The following EEF1AKMT1 variants were observed in gnomAD, a reference collection of about 807,000 sequenced individuals.
The protein encoded by EEF1AKMT1 is EEF1A lysine methyltransferase 1.
In EEF1AKMT1, 18 loss-of-function variants were observed where a neutral mutation model predicts 21.0. The observed-to-expected ratio is 0.86, with a 90% confidence interval of 0.59 to 1.27. The LOEUF (loss-of-function observed/expected upper bound fraction) is 1.27, where lower values mean the gene tolerates loss of function less well. EEF1AKMT1 is among the 50% of genes most tolerant of loss of function. EEF1AKMT1 has a pLI of 0.00. For missense variants in EEF1AKMT1, 246 were observed against 258.6 expected, an observed-to-expected ratio of 0.95 and a Z score of 0.33; for synonymous variants, 109 against 94.8, an observed-to-expected ratio of 1.15 and a Z score of -0.87.
intron 4 of EEF1AKMT1, among the ~76,000 whole-genome samples, chr13:20,729,435 T>G (rs1716538100): frequency 6.6e-6 from 1 of 152,072 alleles, no homozygotes; most frequent in African/African-American, 2.4e-5. Flanking sequence ...TTGAATGAAT[T>G]ATTTTCCTAC....
intron 1 of EEF1AKMT1, among the ~76,000 whole-genome samples, chr13:20,760,743 C>T (rs941946827): frequency 1.3e-5 from 2 of 151,594 alleles, no homozygotes; most frequent in Non-Finnish European, 2.9e-5. Flanking sequence ...AAAAAGAATA[C>T]ACAGATAAAA....
intron 1 of EEF1AKMT1, among the ~76,000 whole-genome samples, chr13:20,759,028 T>C (rs1358436432): frequency 6.6e-6 from 1 of 152,154 alleles, no homozygotes; most frequent in Non-Finnish European, 1.5e-5. Flanking sequence ...ACTCAAGATG[T>C]ATTAAAGACT....
At chr13:20,772,536 C>G (rs989030303) in intron 1 of EEF1AKMT1, among the ~76,000 whole-genome samples, 1 of 152,108 alleles carries the variant, frequency 6.6e-6, no homozygotes, top group African/African-American at 2.4e-5. Context: ...TTGAGAAATT[C>G]TAGGTTAGGC....
At chr13:20,748,726 G>GTTGTTGTTGTTTTTTTTTT (rs2058924339) in intron 2 of EEF1AKMT1, among the ~76,000 whole-genome samples, 2 of 72,614 alleles carry the variant, frequency 2.8e-5, no homozygotes, top group Non-Finnish European at 2.2e-5. Context: ...TTTTTTTTTG[G>GTTGTTGTTGTTTTTTTTTT]TTTTTTTTTT....
intron 2 of EEF1AKMT1, among the ~76,000 whole-genome samples, chr13:20,752,136 A>T (rs897629588): frequency 6.6e-6 from 1 of 151,792 alleles, no homozygotes; most frequent in South Asian, 2.1e-4. Context: ...GATGCTTTTT[A>T]TTTCTTTTTG....
intron 3 of EEF1AKMT1, among the ~76,000 whole-genome samples, chr13:20,735,372 A>T (rs1280361228): frequency 6.6e-6 from 1 of 152,058 alleles, no homozygotes. Context: ...TGTTGTCTGG[A>T]TGGGGGGGAT....
intron 1 of EEF1AKMT1, among the ~76,000 whole-genome samples, chr13:20,771,906 G>C (rs552566380): frequency 6.6e-6 from 1 of 152,114 alleles, no homozygotes; most frequent in Admixed American, 6.5e-5. Context: ...AGCTACTCAG[G>C]AGGCTGAGAC....
intron 1 of EEF1AKMT1, among the ~76,000 whole-genome samples, chr13:20,765,714 T>C (rs1308478545): frequency 6.6e-6 from 1 of 151,966 alleles, no homozygotes; most frequent in Admixed American, 6.6e-5. Context: ...TCTGGCCTCT[T>C]CTCTTGGTTT....
At chr13:20,759,309 G>C (rs59040838) in intron 1 of EEF1AKMT1, among the ~76,000 whole-genome samples, 9,091 of 152,282 alleles carry the variant, frequency 0.06, 794 homozygotes, top group African/African-American at 0.19. Context: ...GCCGGGCGCC[G>C]TGGCTCACGC....
chr13:20,755,401 G>C (rs995098862), intron 2 of EEF1AKMT1, among the ~76,000 whole-genome samples: 2 of 152,202 alleles, frequency 1.3e-5, no homozygotes, highest in South Asian at 2.1e-4. Flanking sequence ...TGGTCTCCAG[G>C]CAGTTCCCTA....
At chr13:20,767,005 A>C (rs995214537) in intron 1 of EEF1AKMT1, among the ~76,000 whole-genome samples, 1 of 152,094 alleles carries the variant, frequency 6.6e-6, no homozygotes, top group African/African-American at 2.4e-5. Context: ...ATTCTGTTGT[A>C]TAGATATTTC....
chr13:20,740,026 G>C (rs574122306), intron 2 of EEF1AKMT1, among the ~76,000 whole-genome samples: 1 of 152,252 alleles, frequency 6.6e-6, no homozygotes, highest in Non-Finnish European at 1.5e-5. Flanking sequence ...AGCCCATGGT[G>C]GGGGAGGAGG....
At chr13:20,731,365 C>G (rs896759783) in intron 4 of EEF1AKMT1, among the ~76,000 whole-genome samples, 1 of 152,140 alleles carries the variant, frequency 6.6e-6, no homozygotes, top group Non-Finnish European at 1.5e-5. Context: ...ACTTGGGAGG[C>G]TGAGGTGGGA....
At chr13:20,750,214 C>G (rs1254083561) in intron 2 of EEF1AKMT1, among the ~76,000 whole-genome samples, 3 of 152,168 alleles carry the variant, frequency 2.0e-5, no homozygotes, top group Non-Finnish European at 4.4e-5. Context: ...TTCAAGTCCT[C>G]TCTGCTAGCT....
chr13:20,731,746 C>T, intron 4 of EEF1AKMT1, 95 bp downstream of exon 4: 1 of 1,282,030 alleles, frequency 7.8e-7, no homozygotes, highest in South Asian at 1.4e-5. Flanking sequence ...TCACAAGTCA[C>T]ACAGGAAGTG....
chr13:20,747,124 C>T (rs536214462), intron 2 of EEF1AKMT1: 3 of 158,016 alleles, frequency 1.9e-5, no homozygotes, highest in South Asian at 1.9e-4. Context: ...TCACCCTCAT[C>T]AGGGAGATGA....
intron 3 of EEF1AKMT1, among the ~76,000 whole-genome samples, chr13:20,736,377 G>A (rs551796146): frequency 1.2e-4 from 18 of 152,266 alleles, no homozygotes; most frequent in African/African-American, 3.8e-4. Flanking sequence ...AAACACGAAA[G>A]GTTCTAAAAA....
At chr13:20,771,808 C>A (rs552423032) in intron 1 of EEF1AKMT1, among the ~76,000 whole-genome samples, 7 of 152,076 alleles carry the variant, frequency 4.6e-5, no homozygotes, top group Non-Finnish European at 1.0e-4. Flanking sequence ...GTAAAGAATT[C>A]GGGATCAGCC....
intron 2 of EEF1AKMT1, among the ~76,000 whole-genome samples, chr13:20,755,510 G>A (rs138612094): frequency 9.4e-4 from 143 of 152,330 alleles, no homozygotes; most frequent in African/African-American, 3.3e-3. Flanking sequence ...CACTCACTTA[G>A]CCTTTCCCCA....
Sources: gnomAD v4.1 joint callset for allele counts (sites outside exome capture counted in the v4.1 genomes callset) on GRCh38, gnomAD v4.1.1 for gene constraint, MANE v1.5 for transcripts, NCBI Gene and HGNC (gene_info 2026-07-23, HGNC 2026-07-21) for gene names.